Variants in PLD5 observed in about 807,000 individuals in gnomAD.
The protein encoded by PLD5 is phospholipase D family member 5.
PLD5 carries 36 observed loss-of-function variants against 61.1 expected under a neutral mutation model. The observed-to-expected ratio is 0.59, with a 90% confidence interval of 0.45 to 0.78. The LOEUF (loss-of-function observed/expected upper bound fraction) is 0.78, where lower values mean the gene tolerates loss of function less well. Among genes scored for constraint, PLD5 ranks in the 30% least tolerant of loss-of-function variants. The pLI is 0.00. For synonymous variants in PLD5, 243 were observed against 242.8 expected (o/e 1.00, Z -0.01); for missense variants, 515 against 644.4 (o/e 0.80, Z 2.17).
At chr1:242,274,537 A>T (rs1181973848) in intron 3 of PLD5, among the ~76,000 whole-genome samples, 1 of 152,250 alleles carries the variant, frequency 6.6e-6, no homozygotes, top group East Asian at 1.9e-4. Flanking sequence ...GGTGGATCAC[A>T]AGGTCAGGAG....
chr1:242,341,397 G>C (rs1393127419), intron 2 of PLD5, among the ~76,000 whole-genome samples: 1 of 152,164 alleles, frequency 6.6e-6, no homozygotes, highest in Non-Finnish European at 1.5e-5. Context: ...ATGCTGAAGC[G>C]GCAGCTGAGT....
At chr1:242,462,340 A>G (rs1035647025) in intron 1 of PLD5, among the ~76,000 whole-genome samples, 1 of 152,216 alleles carries the variant, frequency 6.6e-6, no homozygotes, top group African/African-American at 2.4e-5. Context: ...TTGCAGGGAC[A>G]TGGATGCAGT....
intron 1 of PLD5, among the ~76,000 whole-genome samples, chr1:242,381,716 A>G (rs936869314): frequency 6.6e-6 from 1 of 152,106 alleles, no homozygotes; most frequent in Non-Finnish European, 1.5e-5. Context: ...TATTTGTTCA[A>G]TTCCCCTATA....
rs145731136 is a variant in PLD5 at position 242,513,186 on chromosome 1, T to C, written c.189+10902A>G. Among the ~76,000 whole-genome samples, 25 of 152,282 alleles carry C rather than the reference T, an allele frequency of 1.6e-4. No homozygotes were observed. In the East Asian group the frequency reaches 4.6e-3, roughly 28 times the overall value. On this transcript the variant is annotated intron_variant, in intron 1 of 9. Coordinates refer to ENST00000536534, the MANE Select transcript of PLD5 (RefSeq NM_001372062.1). ...TGAGTCACCTGCACTCAGCCTCCAG[T>C]GAATTTTTGTCGCATATGACATCTG...
At chr1:242,279,411 G>A (rs1674590003) in intron 3 of PLD5, among the ~76,000 whole-genome samples, 1 of 152,166 alleles carries the variant, frequency 6.6e-6, no homozygotes, top group Non-Finnish European at 1.5e-5. Context: ...AGTCTAGGAT[G>A]GGCTTGGGCA....
At chr1:242,505,377 TTAAA>T (rs1572261180) in intron 1 of PLD5, among the ~76,000 whole-genome samples, 1 of 152,216 alleles carries the variant, frequency 6.6e-6, no homozygotes, top group African/African-American at 2.4e-5. Flanking sequence ...CCTTTTCTTA[TTAAA>T]TATTGACAAA....
At chr1:242,255,841 T>C (rs1191483044) in intron 4 of PLD5, among the ~76,000 whole-genome samples, 1 of 152,172 alleles carries the variant, frequency 6.6e-6, no homozygotes, top group Non-Finnish European at 1.5e-5. Context: ...AACTCAACGA[T>C]TTAAAAATAC....
chr1:242,165,502 T>C (rs1666245661), intron 5 of PLD5, among the ~76,000 whole-genome samples: 1 of 148,928 alleles, frequency 6.7e-6, no homozygotes, highest in African/African-American at 2.5e-5. Context: ...AAATATAGAC[T>C]ATGAAAAAAA....
intron 1 of PLD5, among the ~76,000 whole-genome samples, chr1:242,407,499 T>A (rs765532221): frequency 6.6e-6 from 1 of 152,002 alleles, no homozygotes; most frequent in Non-Finnish European, 1.5e-5. Context: ...TCTGTAGAGA[T>A]CTCCATGCAT....
At chr1:242,293,561 T>G (rs1675489592) in intron 2 of PLD5, among the ~76,000 whole-genome samples, 3 of 152,108 alleles carry the variant, frequency 2.0e-5, no homozygotes, top group Admixed American at 2.0e-4. Context: ...CCTTGTAGAG[T>G]TCCATAGTAT....
At chr1:242,090,168 A>G in intron 9 of PLD5, 58 bp from the exon 10 acceptor site, 1 of 1,577,144 alleles carries the variant, frequency 6.3e-7, no homozygotes, top group Non-Finnish European at 8.7e-7. Flanking sequence ...AACATACCCA[A>G]TATAATGAAA....
chr1:242,148,910 CT>C (rs1369299321), intron 5 of PLD5, among the ~76,000 whole-genome samples: 1 of 151,852 alleles, frequency 6.6e-6, no homozygotes, highest in Non-Finnish European at 1.5e-5. Flanking sequence ...GTTTTAGTAA[CT>C]TTTTAATAGA....
chr1:242,212,418 G>T (rs372766783), intron 5 of PLD5, among the ~76,000 whole-genome samples: 2 of 152,192 alleles, frequency 1.3e-5, no homozygotes, highest in African/African-American at 4.8e-5. Context: ...GCGACCATGC[G>T]AGCGGTGGGC....
intron 5 of PLD5, among the ~76,000 whole-genome samples, chr1:242,211,698 A>G (rs6679492): frequency 0.036 from 5,444 of 152,146 alleles, 265 homozygotes; most frequent in African/African-American, 0.11. Flanking sequence ...GGAACGCTAC[A>G]AAAGGATCAC....
At chr1:242,348,495 G>A (rs1196488804) in intron 1 of PLD5, among the ~76,000 whole-genome samples, 1 of 152,094 alleles carries the variant, frequency 6.6e-6, no homozygotes, top group Admixed American at 6.6e-5. Context: ...TTCTGAATGA[G>A]TTTGCTCTTC....
intron 5 of PLD5, among the ~76,000 whole-genome samples, chr1:242,133,515 C>A (rs1663467767): frequency 6.6e-6 from 1 of 152,194 alleles, no homozygotes; most frequent in East Asian, 1.9e-4. Context: ...CACCAAGAAC[C>A]TGGACACCCT....
In PLD5 at chr1:242,334,828, A is replaced by C. The variant is rs534708124; in HGVS notation, c.326+13278T>G. The stretch of plus-strand genomic sequence containing the variant: ...TGAACAGTACAGAAAGTTGGCAGCA[A>C]GATGGGGCCGTAGAAACAAACTTTA... On this transcript the variant is annotated intron_variant, in intron 2 of 9. Coordinates refer to ENST00000536534, the MANE Select transcript of PLD5 (RefSeq NM_001372062.1). 9.8e-5 allele frequency among the ~76,000 whole-genome samples: 15 copies of C among 152,312 alleles called. 1 individual carries two copies. The East Asian group carries it at 2.9e-3, about 29-fold the overall frequency.
intron 2 of PLD5, among the ~76,000 whole-genome samples, chr1:242,322,904 G>A (rs1360903829): frequency 6.6e-6 from 1 of 152,112 alleles, no homozygotes; most frequent in African/African-American, 2.4e-5. Flanking sequence ...ATATATGTGT[G>A]TATGTATGTA....
intron 9 of PLD5, 147 bp from the exon 10 acceptor site, chr1:242,090,257 A>G: frequency 9.5e-7 from 1 of 1,047,428 alleles, no homozygotes; most frequent in Admixed American, 2.8e-5. Context: ...CAGCTCCGAA[A>G]AAAAAATCCA....
Sources: gnomAD v4.1 joint callset for allele counts (sites outside exome capture counted in the v4.1 genomes callset) on GRCh38, gnomAD v4.1.1 for gene constraint, MANE v1.5 for transcripts, NCBI Gene and HGNC (gene_info 2026-07-23, HGNC 2026-07-21) for gene names.